KCNT2: variants seen among roughly 807,000 people sequenced by gnomAD.
KCNT2 encodes potassium sodium-activated channel subfamily T member 2.
KCNT2 carries 67 observed loss-of-function variants against 153.8 expected under a neutral mutation model. The ratio of observed to expected loss-of-function variants is 0.44; its 90% CI spans 0.36 to 0.53. The LOEUF (loss-of-function observed/expected upper bound fraction) is 0.53, where lower values mean the gene tolerates loss of function less well. KCNT2 is among the 20% of genes least tolerant of loss of function. The pLI is 0.00. For missense variants in KCNT2, 975 were observed against 1,354.8 expected, an observed-to-expected ratio of 0.72 and a Z score of 4.40; for synonymous variants, 500 against 458.8, an observed-to-expected ratio of 1.09 and a Z score of -1.15.
chr1:196,348,514 T>C (rs898549157), intron 14 of KCNT2, among the ~76,000 whole-genome samples: 11 of 152,156 alleles, frequency 7.2e-5, no homozygotes, highest in Admixed American at 3.9e-4. Flanking sequence ...TTCATACTCT[T>C]GTGAGACTGT....
chr1:196,595,216 T>G (rs1056524507), intron 1 of KCNT2, among the ~76,000 whole-genome samples: 2 of 151,974 alleles, frequency 1.3e-5, no homozygotes, highest in African/African-American at 4.8e-5. Flanking sequence ...CTACTGTAAG[T>G]TTTTGAAATG....
intron 1 of KCNT2, among the ~76,000 whole-genome samples, chr1:196,499,588 T>C (rs1680512420): frequency 6.6e-6 from 1 of 152,208 alleles, no homozygotes; most frequent in Non-Finnish European, 1.5e-5. Context: ...ATCATCTTAC[T>C]TTTCTTCCTT....
intron 7 of KCNT2, 70 bp from the exon 8 acceptor site, chr1:196,465,457 A>G: frequency 1.2e-6 from 1 of 824,932 alleles, no homozygotes; most frequent in Non-Finnish European, 2.1e-6. Context: ...CATTACATTT[A>G]TTAGCATACA....
intron 1 of KCNT2, among the ~76,000 whole-genome samples, chr1:196,550,084 C>A (rs938370060): frequency 2.6e-5 from 4 of 151,824 alleles, no homozygotes; most frequent in Non-Finnish European, 5.9e-5. Flanking sequence ...CACTTTAGCC[C>A]ATCACTGGAT....
At chr1:196,437,340 T>C (rs866737673) in intron 8 of KCNT2, among the ~76,000 whole-genome samples, 18 of 138,192 alleles carry the variant, frequency 1.3e-4, no homozygotes, top group Non-Finnish European at 2.0e-4. Context: ...ATATTTTTAT[T>C]TATTTTTATT....
intron 27 of KCNT2, among the ~76,000 whole-genome samples, chr1:196,232,294 G>A (rs1479253453): frequency 6.6e-6 from 1 of 151,640 alleles, no homozygotes; most frequent in African/African-American, 2.4e-5. Context: ...TCAAATTAAT[G>A]TTGCTTCTTC....
Position 196,258,477 on chromosome 1 carries a change from A to G in KCNT2, c.2928T>C (p.Ser976=). The G allele has an allele frequency of 6.3e-7, 1 of 1,585,624 alleles. No homozygotes were observed. The highest frequency in any genetic ancestry group is 1.1e-5 in the South Asian group (1 of 89,870). ...LTTSESQISI[S]VEEWEDTKDS... ...CTTTGGTGTCTTCCCACTCTTCTAC[A>G]CTGATAGATATTTGAGACTTTAAAG... Residue 976 remains serine (S), a synonymous_variant, in exon 26 of 28, where the codon AGT becomes AGC. Transcript: ENST00000294725.
rs546910709 is a variant in KCNT2, at chr1:196,295,228, G to T, written c.2596-9470C>A. ...TTAAAAATAAAAATATAGAATAAAA[G>T]AATAAAACATTTGTACTTTTTAAAA... is the stretch of plus-strand genomic sequence containing the variant. On this transcript the variant is annotated intron_variant, in intron 22 of 27. Coordinates refer to ENST00000294725, the MANE Select transcript of KCNT2 (RefSeq NM_198503.5). Among the ~76,000 whole-genome samples, 16 of 151,634 alleles carry T rather than the reference G, an allele frequency of 1.1e-4. No individual in the cohort carries two copies. In the South Asian group the frequency reaches 3.3e-3, roughly 31 times the overall value.
At chr1:196,520,254 C>T (rs902831305) in intron 1 of KCNT2, among the ~76,000 whole-genome samples, 1 of 152,012 alleles carries the variant, frequency 6.6e-6, no homozygotes, top group African/African-American at 2.4e-5. Context: ...TAAAATTCAA[C>T]ATCCCTTGAT....
chr1:196,534,997 T>C (rs1377915425), intron 1 of KCNT2, among the ~76,000 whole-genome samples: 1 of 152,198 alleles, frequency 6.6e-6, no homozygotes, highest in Non-Finnish European at 1.5e-5. Flanking sequence ...CTTAGCTCCA[T>C]GTTATCAAGG....
chr1:196,572,473 A>T (rs181664862), intron 1 of KCNT2, among the ~76,000 whole-genome samples: 1 of 152,206 alleles, frequency 6.6e-6, no homozygotes, highest in Admixed American at 6.5e-5. Context: ...AGATAAAGAG[A>T]GAGAGAGTGC....
chr1:196,529,468 G>A (rs532478184), intron 1 of KCNT2, among the ~76,000 whole-genome samples: 10 of 152,152 alleles, frequency 6.6e-5, no homozygotes, highest in Non-Finnish European at 1.2e-4. Flanking sequence ...GGAACTAGCT[G>A]TGGAGACATT....
At chr1:196,248,313 T>C (rs1655635050) in intron 26 of KCNT2, among the ~76,000 whole-genome samples, 1 of 151,448 alleles carries the variant, frequency 6.6e-6, no homozygotes, top group African/African-American at 2.4e-5. Flanking sequence ...CAGAAATAAA[T>C]GACATTGAAA....
intron 5 of KCNT2, among the ~76,000 whole-genome samples, chr1:196,475,620 A>G (rs189538000): frequency 2.6e-5 from 4 of 152,198 alleles, no homozygotes; most frequent in Admixed American, 2.0e-4. Context: ...AAAAAAAAAA[A>G]TCTAACTTGA....
At chr1:196,411,149 CCTT>C (rs1672293965) in intron 12 of KCNT2, among the ~76,000 whole-genome samples, 1 of 144,932 alleles carries the variant, frequency 6.9e-6, no homozygotes, top group Admixed American at 7.2e-5. Flanking sequence ...TCCCTTCCTT[CCTT>C]CTTTTTTTCC....
Position 196,228,123 on chromosome 1 carries a change from G to A in KCNT2, c.*101C>T. 1.5e-6 allele frequency: 1 copy of A among 652,074 alleles called. No homozygotes were observed. The highest frequency in any genetic ancestry group is 2.7e-6 in the Non-Finnish European group (1 of 366,378). The allele number at this position is 652,074 out of a possible 1,614,324, so 40.4% of individuals were successfully genotyped here. ...GAAGAGATTACGTTTTTAAATATGA[G>A]AGAATTACATATATTTCCATCTAGT... On this transcript the variant is annotated 3_prime_UTR_variant, in exon 28 of 28. Transcript: ENST00000294725.
chr1:196,363,333 C>T (rs1301950034), intron 14 of KCNT2, among the ~76,000 whole-genome samples: 1 of 151,998 alleles, frequency 6.6e-6, no homozygotes, highest in Non-Finnish European at 1.5e-5. Context: ...TTTCTGCCAC[C>T]ACAACATTTT....
At chr1:196,567,768 T>C (rs1660286291) in intron 1 of KCNT2, among the ~76,000 whole-genome samples, 1 of 152,174 alleles carries the variant, frequency 6.6e-6, no homozygotes, top group South Asian at 2.1e-4. Context: ...TCAAAAGGGC[T>C]TATGTAGGAA....
At chr1:196,437,331 T>A (rs1049264977) in intron 8 of KCNT2, among the ~76,000 whole-genome samples, 1 of 136,710 alleles carries the variant, frequency 7.3e-6, no homozygotes, top group East Asian at 2.1e-4. Context: ...TACATAAACA[T>A]ATTTTTATTT....
Sources: allele counts gnomAD v4.1 joint callset (sites outside exome capture counted in the v4.1 genomes callset), GRCh38; gene constraint gnomAD v4.1.1; transcripts MANE v1.5; gene names NCBI Gene and HGNC (gene_info 2026-07-23, HGNC 2026-07-21).